The following FBXO34 variants were observed in gnomAD, a reference collection of about 807,000 sequenced individuals.
The protein encoded by FBXO34 is F-box only protein 34.
A neutral mutation model predicts 24.5 loss-of-function variants in FBXO34; 12 were observed. The ratio of observed to expected loss-of-function variants is 0.49; its 90% CI spans 0.31 to 0.79. The LOEUF is 0.79. Ranked by LOEUF, FBXO34 falls within the 30% of genes least tolerant of loss-of-function variation. FBXO34 has a pLI of 0.04. For synonymous variants in FBXO34, 320 were observed against 311.9 expected (o/e 1.03, Z -0.27); for missense variants, 823 against 857.7 (o/e 0.96, Z 0.51).
At chr14:55,366,621 TTACAGATGTGCAAAACTTTTCTTA>T (rs1160031519), downstream of FBXO34, 2 of 140,312 alleles carry the variant, frequency 1.4e-5, no homozygotes, top group East Asian at 4.0e-4. Context: ...TTTTTCCCCC[TTACAGATGTGCAAAACTTTTCTTA>T]TATTCCATAA....
At chr14:55,319,868 G>A (rs1883068851) in intron 1 of FBXO34, among the ~76,000 whole-genome samples, 1 of 152,024 alleles carries the variant, frequency 6.6e-6, no homozygotes, top group African/African-American at 2.4e-5. Context: ...GTAGAGACGG[G>A]GTTTCACCGT....
chr14:55,323,183 TCAAAAAAAAAAA>T (rs1883206863), intron 1 of FBXO34, among the ~76,000 whole-genome samples: 1 of 4,022 alleles, frequency 2.5e-4, no homozygotes, highest in African/African-American at 9.9e-4. Context: ...AGACTCTGTC[TCAAAAAAAAAAA>T]AAAAAAAAAA....
At chr14:55,355,804 C>T (rs1222816944), downstream of FBXO34, among the ~76,000 whole-genome samples, 3 of 152,174 alleles carry the variant, frequency 2.0e-5, no homozygotes, top group African/African-American at 7.2e-5. Flanking sequence ...GCATTCCTCT[C>T]GAGTGACCAT....
chr14:55,369,489 G>GACAAA, downstream of FBXO34: 1 of 944,872 alleles, frequency 1.1e-6, no homozygotes, highest in East Asian at 2.6e-5. Context: ...TGCTTAAAAA[G>GACAAA]ACAAAACAAA....
intron 1 of FBXO34, among the ~76,000 whole-genome samples, chr14:55,296,786 C>T (rs1409731347): frequency 1.9e-4 from 29 of 152,098 alleles, no homozygotes; most frequent in Admixed American, 1.9e-3. Flanking sequence ...CTATAGAAAG[C>T]AATTTTTAAT....
At chr14:55,314,328 G>T (rs765486580) in intron 1 of FBXO34, among the ~76,000 whole-genome samples, 6 of 152,238 alleles carry the variant, frequency 3.9e-5, no homozygotes, top group Non-Finnish European at 7.3e-5. Flanking sequence ...CACAACTTAA[G>T]TGGAAACGGT....
downstream of FBXO34, among the ~76,000 whole-genome samples, chr14:55,363,889 A>G (rs1171115228): frequency 1.3e-5 from 2 of 151,142 alleles, no homozygotes; most frequent in African/African-American, 2.4e-5. Context: ...TTTTTACTCA[A>G]CTCGCTCTAG....
At chr14:55,370,668 G>C (rs569841389), downstream of FBXO34, among the ~76,000 whole-genome samples, 4 of 151,782 alleles carry the variant, frequency 2.6e-5, no homozygotes, top group East Asian at 7.7e-4. Context: ...TTTAGACAGA[G>C]TCTCGTTCTG....
At chr14:55,432,369 C>T in the FBXO34 span, among the ~76,000 whole-genome samples, 1 of 149,782 alleles carries the variant, frequency 6.7e-6, no homozygotes, top group African/African-American at 2.5e-5. Flanking sequence ...GCCCAGATCA[C>T]ACCACTGCAC....
At chr14:55,273,638 A>G (rs1382071947) in intron 1 of FBXO34, among the ~76,000 whole-genome samples, 4 of 152,222 alleles carry the variant, frequency 2.6e-5, no homozygotes, top group African/African-American at 9.6e-5. Context: ...TTATTATGCA[A>G]CTGCTGATAT....
At chr14:55,356,576 T>C (rs1318305669), downstream of FBXO34, among the ~76,000 whole-genome samples, 3 of 152,190 alleles carry the variant, frequency 2.0e-5, no homozygotes, top group East Asian at 5.8e-4. Flanking sequence ...GCCTCCCGAG[T>C]AGCTGGGACT....
chr14:55,377,377 G>A, the FBXO34 span, among the ~76,000 whole-genome samples: 115 of 152,110 alleles, frequency 7.6e-4, 1 homozygote, highest in African/African-American at 2.6e-3. Flanking sequence ...GAATTGTTAC[G>A]ACGGACAAGG....
chr14:55,283,110 G>A (rs1010737304), intron 1 of FBXO34, among the ~76,000 whole-genome samples: 10 of 152,106 alleles, frequency 6.6e-5, no homozygotes, highest in Admixed American at 3.3e-4. Context: ...CTCTACCATC[G>A]TCACTATATT....
Position 55,275,835 on chromosome 14 carries a change from A to C in FBXO34, c.-11+4298A>C, listed in dbSNP as rs114275133. Reference sequence around the variant, plus strand: ...CGAGACTCTGTCTCAAAAAAAAAAAAAAAAAACGAGGATAAACTATGTTAT... The same window carrying C: ...CGAGACTCTGTCTCAAAAAAAAAAACAAAAAACGAGGATAAACTATGTTAT... On this transcript the variant is annotated intron_variant, in intron 1 of 1. Coordinates refer to ENST00000313833, the MANE Select transcript of FBXO34 (RefSeq NM_017943.4). Among the ~76,000 whole-genome samples, 1,382 of 151,094 alleles carry C rather than the reference A, an allele frequency of 9.1e-3. 32 individuals are homozygous for C. The highest frequency in any genetic ancestry group is 0.032 in the African/African-American group (1,323 of 41,242).
chr14:55,346,370 C>T (rs900620031), intron 1 of FBXO34, among the ~76,000 whole-genome samples: 8 of 152,052 alleles, frequency 5.3e-5, no homozygotes, highest in African/African-American at 7.2e-5. Context: ...AGTGACTTGG[C>T]GATGAGATGT....
At chr14:55,422,567 G>A in the FBXO34 span, among the ~76,000 whole-genome samples, 3 of 152,132 alleles carry the variant, frequency 2.0e-5, no homozygotes, top group Admixed American at 1.3e-4. Context: ...GCAACTTTCT[G>A]TAGGTGGGGC....
the FBXO34 span, chr14:55,440,622 G>T: frequency 1.4e-6 from 2 of 1,445,914 alleles, no homozygotes; most frequent in South Asian, 1.4e-5. Context: ...AGCGTTGGGC[G>T]ATGGGCTTGG....
At chr14:55,276,314 G>A (rs1243566147) in intron 1 of FBXO34, among the ~76,000 whole-genome samples, 1 of 152,146 alleles carries the variant, frequency 6.6e-6, no homozygotes, top group Admixed American at 6.5e-5. Flanking sequence ...TTTGTACATT[G>A]CATACCTAAA....
chr14:55,279,525 A>G (rs1285594486), intron 1 of FBXO34, among the ~76,000 whole-genome samples: 2 of 152,166 alleles, frequency 1.3e-5, no homozygotes, highest in Non-Finnish European at 2.9e-5. Context: ...TAAAGTAAAG[A>G]TGTAATTTGT....
Sources: gnomAD v4.1 joint callset for allele counts (sites outside exome capture counted in the v4.1 genomes callset) on GRCh38, gnomAD v4.1.1 for gene constraint, MANE v1.5 for transcripts, NCBI Gene and HGNC (gene_info 2026-07-23, HGNC 2026-07-21) for gene names.